The following SLC2A9 variants were observed in gnomAD, a reference collection of about 807,000 sequenced individuals.
SLC2A9 encodes the protein solute carrier family 2, facilitated glucose transporter member 9.
Under a neutral mutation model 50.6 loss-of-function variants are expected in SLC2A9, and 39 were observed. The observed-to-expected ratio is 0.77, with a 90% CI of 0.60 to 1.01. The LOEUF is 1.01. Ranked by LOEUF, SLC2A9 falls within the 50% of genes least tolerant of loss-of-function variation. The pLI, the probability that SLC2A9 is intolerant of heterozygous loss-of-function variation, is 0.00. For missense variants in SLC2A9, 686 were observed against 677.6 expected, an observed-to-expected ratio of 1.01 and a Z score of -0.14; for synonymous variants, 324 against 276.9, an observed-to-expected ratio of 1.17 and a Z score of -1.69.
exon 1 of SLC2A9, chr4:10,040,190 T>C (rs1764238011): frequency 6.6e-6 from 1 of 152,294 alleles, no homozygotes; most frequent in African/African-American, 2.4e-5. Flanking sequence ...AGAGTTTTCA[T>C]GCCCCTCTGG....
In SLC2A9 at chr4:9,858,527, C is replaced by T. The variant is rs146327126; in HGVS notation, c.1292-23519G>A. Among the ~76,000 whole-genome samples the T allele has an allele frequency of 1.6e-4, 24 of 152,200 alleles. No homozygotes were observed. In the East Asian group the frequency reaches 2.5e-3, roughly 16 times the overall value. On this transcript the variant is annotated intron_variant, in intron 10 of 11. Transcript: ENST00000264784. Reference sequence around the variant, plus strand: ...TCCATTTTATTGATGAGTAGAGACACTATGCTGTTTACTTTCCAAAATCAG... The same window carrying T: ...TCCATTTTATTGATGAGTAGAGACATTATGCTGTTTACTTTCCAAAATCAG...
chr4:9,826,003 C>T (rs1306682611), downstream of SLC2A9, among the ~76,000 whole-genome samples: 1 of 152,134 alleles, frequency 6.6e-6, no homozygotes, highest in Non-Finnish European at 1.5e-5. Context: ...GATCTCTAAT[C>T]CGTTGAGTCC....
At chr4:9,879,049 C>T in intron 10 of SLC2A9, 8 of 985,108 alleles carry the variant, frequency 8.1e-6, no homozygotes, top group Non-Finnish European at 9.6e-6. Flanking sequence ...TTATTGAGTG[C>T]TGACCCACTG....
chr4:9,852,778 C>T (rs960235915), intron 10 of SLC2A9, among the ~76,000 whole-genome samples: 2 of 152,180 alleles, frequency 1.3e-5, no homozygotes, highest in Non-Finnish European at 2.9e-5. Context: ...AGACCAGTGA[C>T]ACTATAAAAC....
At chr4:9,995,217 G>A (rs1758435659) in intron 3 of SLC2A9, among the ~76,000 whole-genome samples, 2 of 152,154 alleles carry the variant, frequency 1.3e-5, no homozygotes, top group African/African-American at 2.4e-5. Flanking sequence ...CTGGAACCTT[G>A]AAGGACCTCA....
intron 3 of SLC2A9, among the ~76,000 whole-genome samples, chr4:9,785,949 G>C (rs1362862860): frequency 6.6e-6 from 1 of 152,176 alleles, no homozygotes; most frequent in Non-Finnish European, 1.5e-5. Flanking sequence ...TTTCCAAAGA[G>C]CTGCATGAAG....
chr4:9,918,837 C>T (rs1327556593), intron 7 of SLC2A9, among the ~76,000 whole-genome samples: 3 of 152,118 alleles, frequency 2.0e-5, no homozygotes, highest in South Asian at 2.1e-4. Flanking sequence ...AATATTATCC[C>T]GACTTAAAGA....
chr4:10,038,194 G>C (rs991641860), intron 1 of SLC2A9, among the ~76,000 whole-genome samples: 3 of 151,790 alleles, frequency 2.0e-5, no homozygotes, highest in Non-Finnish European at 4.4e-5. Flanking sequence ...AAGTGTGTGT[G>C]AGGGGTGATG....
intron 7 of SLC2A9, among the ~76,000 whole-genome samples, chr4:9,917,325 C>CTTTTTTTTATTTTTTTTTTTTTT (rs1743037272): frequency 1.2e-5 from 1 of 81,798 alleles, no homozygotes; most frequent in Non-Finnish European, 2.1e-5. Context: ...TTCTTTTTTC[C>CTTTTTTTTATTTTTTTTTTTTTT]TTTTTTTTTT....
intron 3 of SLC2A9, among the ~76,000 whole-genome samples, chr4:9,787,704 C>T (rs934276872): frequency 3.3e-5 from 5 of 152,206 alleles, no homozygotes; most frequent in Admixed American, 3.3e-4. Context: ...ATGACACGGA[C>T]CTTTGTGAAG....
intron 6 of SLC2A9, among the ~76,000 whole-genome samples, chr4:9,931,913 ACTCTCTCTCTCTCTCTCT>A (rs1163786274): frequency 2.6e-3 from 40 of 15,680 alleles, no homozygotes; most frequent in Non-Finnish European, 2.9e-3. Flanking sequence ...AATGAGAATG[ACTCTCTCTCTCTCTCTCT>A]CTCTCTCTCT....
chr4:9,986,109 T>A (rs1756674046), intron 3 of SLC2A9, among the ~76,000 whole-genome samples: 1 of 152,170 alleles, frequency 6.6e-6, no homozygotes, highest in African/African-American at 2.4e-5. Flanking sequence ...TGAGTCAGGG[T>A]CCAGGCAGGA....
intron 8 of SLC2A9, among the ~76,000 whole-genome samples, chr4:9,904,279 T>C (rs1373687229): frequency 6.6e-6 from 1 of 152,176 alleles, no homozygotes; most frequent in Non-Finnish European, 1.5e-5. Context: ...GCAGGGCTGG[T>C]TCCTTCTGGA....
At chr4:10,021,118 C>A (rs1763456193) in intron 1 of SLC2A9, among the ~76,000 whole-genome samples, 162 bp downstream of exon 1, 1 of 152,244 alleles carries the variant, frequency 6.6e-6, no homozygotes, top group Non-Finnish European at 1.5e-5. Flanking sequence ...CAAAGTCACA[C>A]AGATGGAGAA....
At chr4:9,894,290 C>T (rs1200997116) in intron 8 of SLC2A9, among the ~76,000 whole-genome samples, 2 of 152,108 alleles carry the variant, frequency 1.3e-5, no homozygotes, top group Non-Finnish European at 2.9e-5. Context: ...GAAAAATTCT[C>T]AGGGTACAAT....
At chr4:9,787,452 T>G (rs1176572798) in intron 3 of SLC2A9, among the ~76,000 whole-genome samples, 1 of 152,220 alleles carries the variant, frequency 6.6e-6, no homozygotes, top group African/African-American at 2.4e-5. Flanking sequence ...CCCCCAAACA[T>G]CAATGTTTCA....
intron 10 of SLC2A9, among the ~76,000 whole-genome samples, chr4:9,887,028 G>C (rs1736396118): frequency 6.6e-6 from 1 of 152,208 alleles, no homozygotes; most frequent in African/African-American, 2.4e-5. Context: ...CATGTAAGCT[G>C]GTGGTTGGGG....
intron 3 of SLC2A9, among the ~76,000 whole-genome samples, chr4:9,786,630 C>T (rs906294743): frequency 7.3e-4 from 111 of 152,160 alleles, no homozygotes; most frequent in African/African-American, 2.6e-3. Flanking sequence ...ATTTATTCCT[C>T]ACATTAACCT....
At chr4:9,898,285 T>C (rs1041814125) in intron 8 of SLC2A9, among the ~76,000 whole-genome samples, 1 of 152,174 alleles carries the variant, frequency 6.6e-6, no homozygotes, top group Admixed American at 6.5e-5. Context: ...TCTCCAAATA[T>C]GTACAACTAT....
Sources: allele counts gnomAD v4.1 joint callset (sites outside exome capture counted in the v4.1 genomes callset), GRCh38; gene constraint gnomAD v4.1.1; transcripts MANE v1.5; gene names NCBI Gene and HGNC (gene_info 2026-07-23, HGNC 2026-07-21).